CEP83: variants seen among roughly 807,000 people sequenced by gnomAD.
CEP83 encodes centrosomal protein 83, also known as centrosomal protein of 83 kDa.
Under a neutral mutation model 101.9 loss-of-function variants are expected in CEP83, and 70 were observed. The observed-to-expected ratio is 0.69, with a 90% CI of 0.57 to 0.84. CEP83 has a LOEUF of 0.84. CEP83 is among the 40% of genes least tolerant of loss of function. The pLI, the probability that CEP83 is intolerant of heterozygous loss-of-function variation, is 0.00. For synonymous variants in CEP83, 264 were observed against 267.9 expected, an observed-to-expected ratio of 0.99 and a Z score of 0.14; for missense variants, 715 against 787.2, an observed-to-expected ratio of 0.91 and a Z score of 1.10.
intron 11 of CEP83, among the ~76,000 whole-genome samples, chr12:94,356,867 A>G (rs1270841600): frequency 1.3e-5 from 2 of 152,186 alleles, no homozygotes; most frequent in South Asian, 2.1e-4. Flanking sequence ...TCAAATTAAT[A>G]TAACTGCAGA....
the CEP83 span, chr12:94,279,962 A>C: frequency 1.7e-5 from 8 of 463,702 alleles, 1 homozygote; most frequent in South Asian, 7.9e-5. Flanking sequence ...TGCATCATGA[A>C]ATACAGAAAG....
chr12:94,395,381 T>A (rs544459789), intron 6 of CEP83, among the ~76,000 whole-genome samples: 28 of 144,880 alleles, frequency 1.9e-4, no homozygotes, highest in South Asian at 1.1e-3. Flanking sequence ...AAAAAAAAAA[T>A]AATCACTATT....
the CEP83 span, among the ~76,000 whole-genome samples, chr12:94,267,657 GC>G: frequency 2.0e-5 from 3 of 152,150 alleles, no homozygotes; most frequent in African/African-American, 7.2e-5. Context: ...GCCTGGCCCA[GC>G]CCCCCTTTCA....
chr12:94,456,368 TCTCTC>T (rs2067680997), intron 1 of CEP83, among the ~76,000 whole-genome samples: 1 of 152,204 alleles, frequency 6.6e-6, no homozygotes, highest in Non-Finnish European at 1.5e-5. Context: ...CTTACTCTCT[TCTCTC>T]AACAACCTTA....
intron 8 of CEP83, among the ~76,000 whole-genome samples, chr12:94,370,962 C>T (rs1053591132): frequency 4.0e-5 from 6 of 151,822 alleles, no homozygotes; most frequent in Admixed American, 3.9e-4. Flanking sequence ...CCAGCCTGGG[C>T]AACAGAGTGA....
chr12:94,391,338 A>G (rs1332506652), intron 6 of CEP83, among the ~76,000 whole-genome samples: 2 of 152,220 alleles, frequency 1.3e-5, no homozygotes, highest in Non-Finnish European at 2.9e-5. Context: ...TTCTTATAGA[A>G]AAGAATTTTC....
At chr12:94,278,644 G>A in the CEP83 span, among the ~76,000 whole-genome samples, 6 of 152,168 alleles carry the variant, frequency 3.9e-5, no homozygotes, top group African/African-American at 7.2e-5. Flanking sequence ...ATCTGACTGA[G>A]GATGTTGAAA....
chr12:94,368,987 T>G (rs951561080), intron 9 of CEP83: 1 of 152,168 alleles, frequency 6.6e-6, no homozygotes, highest in Non-Finnish European at 1.5e-5. Context: ...AGACCCCATT[T>G]CAAAACATGA....
chr12:94,407,931 C>G (rs1430888509), intron 4 of CEP83: 1 of 152,360 alleles, frequency 6.6e-6, no homozygotes, highest in African/African-American at 2.4e-5. Context: ...AATTCTCATG[C>G]CTCACCCTCC....
chr12:94,451,285 C>T lies in CEP83; in HGVS notation c.-155+8272G>A, dbSNP rs79949492. Among the ~76,000 whole-genome samples the T allele has an allele frequency of 8.2e-4, 125 of 152,146 alleles. No individual in the cohort carries two copies. In the East Asian group the frequency reaches 0.02, roughly 24 times the overall value. On this transcript the variant is annotated intron_variant, in intron 1 of 16. Transcript: ENST00000397809. The stretch of plus-strand genomic sequence containing the variant: ...AGTTCGTATACATAACATGAAAGTA[C>T]GTGCCACACACACAAAAGAAATGAC...
At chr12:94,410,818 T>C (rs2063831879) in intron 4 of CEP83, among the ~76,000 whole-genome samples, 1 of 152,164 alleles carries the variant, frequency 6.6e-6, no homozygotes, top group African/African-American at 2.4e-5. Context: ...GTGAGCATAG[T>C]GGAGGCTCCA....
At chr12:94,341,567 C>T (rs937964709) in intron 11 of CEP83, among the ~76,000 whole-genome samples, 7 of 149,340 alleles carry the variant, frequency 4.7e-5, no homozygotes, top group African/African-American at 9.8e-5. Flanking sequence ...AAAAGCCATG[C>T]AAATCGTGTG....
chr12:94,440,330 C>G (rs80354559), intron 1 of CEP83, among the ~76,000 whole-genome samples: 13 of 152,042 alleles, frequency 8.6e-5, no homozygotes, highest in Non-Finnish European at 1.8e-4. Context: ...TAAATGAATT[C>G]GGCAAAGTTT....
the CEP83 span, chr12:94,278,063 T>C: frequency 8.8e-6 from 4 of 455,958 alleles, no homozygotes; most frequent in South Asian, 6.2e-5. Flanking sequence ...GAGCCCCCCC[T>C]CCCTCTGTCT....
At chr12:94,279,834 G>A in the CEP83 span, 2 of 704,290 alleles carry the variant, frequency 2.8e-6, no homozygotes, top group Non-Finnish European at 5.2e-6. Flanking sequence ...TGGGCATCCT[G>A]ATTCTTCGAA....
At chr12:94,385,449 C>T (rs1349132742) in intron 6 of CEP83, among the ~76,000 whole-genome samples, 3 of 152,110 alleles carry the variant, frequency 2.0e-5, no homozygotes, top group Non-Finnish European at 4.4e-5. Flanking sequence ...CATACTGTCT[C>T]TAGTGACAGC....
chr12:94,348,282 T>A (rs1250984776), intron 11 of CEP83, among the ~76,000 whole-genome samples: 2 of 152,040 alleles, frequency 1.3e-5, no homozygotes, highest in East Asian at 3.9e-4. Flanking sequence ...CCGTCAGAAG[T>A]TGACAATGAC....
intron 11 of CEP83, among the ~76,000 whole-genome samples, chr12:94,354,721 T>C (rs1565971994): frequency 6.6e-6 from 1 of 152,216 alleles, no homozygotes; most frequent in East Asian, 1.9e-4. Context: ...AATTAAAAAA[T>C]TAACTGAAGG....
chr12:94,310,775 G>A (rs2136281457), intron 15 of CEP83, among the ~76,000 whole-genome samples: 1 of 152,294 alleles, frequency 6.6e-6, no homozygotes, highest in African/African-American at 2.4e-5. Context: ...GTGAAATATG[G>A]TCAAATATAG....
Sources: allele counts gnomAD v4.1 joint callset (sites outside exome capture counted in the v4.1 genomes callset), GRCh38; gene constraint gnomAD v4.1.1; transcripts MANE v1.5; gene names NCBI Gene and HGNC (gene_info 2026-07-23, HGNC 2026-07-21).